Variants in JAKMIP1 observed in about 807,000 individuals in gnomAD.
JAKMIP1 encodes the protein janus kinase and microtubule-interacting protein 1.
Under a neutral mutation model 113.0 loss-of-function variants are expected in JAKMIP1, and 33 were observed. The ratio of observed to expected loss-of-function variants is 0.29; its 90% CI spans 0.22 to 0.39. JAKMIP1 has a LOEUF of 0.39. Among genes scored for constraint, JAKMIP1 ranks in the 10% least tolerant of loss-of-function variants. The pLI, the probability that JAKMIP1 is intolerant of heterozygous loss-of-function variation, is 1.00. For synonymous variants in JAKMIP1, 480 were observed against 459.9 expected, an observed-to-expected ratio of 1.04 and a Z score of -0.56; for missense variants, 813 against 1,080.5, an observed-to-expected ratio of 0.75 and a Z score of 3.47.
At position 6,156,881 on chromosome 4, in the gene JAKMIP1, A is replaced by G. The variant is rs986278225; in HGVS notation, c.-148+43372T>C. On this transcript the variant is annotated intron_variant, in intron 1 of 20. Transcript: ENST00000409021. This position sits in a 1 kb window ranked among gnomAD's most constrained non-coding sequence, Gnocchi z 5.0. Reference sequence around the variant, plus strand: ...CAATTGTTCAGTAGACCCACACCCCATTGGCCAACAGCCACAGCCCTGAAT... The same window carrying G: ...CAATTGTTCAGTAGACCCACACCCCGTTGGCCAACAGCCACAGCCCTGAAT... 1.3e-5 allele frequency among the ~76,000 whole-genome samples: 2 copies of G among 152,152 alleles called. No homozygotes were observed. Among genetic ancestry groups the G allele is most frequent in the Admixed American group, 1.3e-4 (2 of 15,284 alleles).
In JAKMIP1 at chr4:6,158,265, A is replaced by G. The variant is rs114315637; in HGVS notation, c.-148+41988T>C. Among the ~76,000 whole-genome samples, 1,372 of 151,922 alleles carry G rather than the reference A, an allele frequency of 9.0e-3. 20 individuals are homozygous for G. Among genetic ancestry groups the G allele is most frequent in the African/African-American group, 0.032 (1,304 of 41,202 alleles). The stretch of plus-strand genomic sequence containing the variant: ...CTACATGCTTCTCACCAGGGGTCAC[A>G]AGCTCAGCTATGAAGCACTTGAAAG... On this transcript the variant is annotated intron_variant, in intron 1 of 20. Coordinates refer to ENST00000409021, the MANE Select transcript of JAKMIP1 (RefSeq NM_001099433.2). The surrounding 1 kb of genome is among the most constrained non-coding windows in gnomAD (Gnocchi z 5.3).
chr4:6,196,964 G>T (rs1727920796), intron 1 of JAKMIP1, among the ~76,000 whole-genome samples: 1 of 152,142 alleles, frequency 6.6e-6, no homozygotes, highest in Non-Finnish European at 1.5e-5. Context: ...GTGCTCCGTG[G>T]GGCAACATCT....
rs1414109623 is a variant in JAKMIP1 at position 6,197,219 on chromosome 4, G to A, written c.-148+3034C>T. 6.6e-6 allele frequency among the ~76,000 whole-genome samples: 1 copy of A among 152,166 alleles called. No individual in the cohort carries two copies. The highest frequency in any genetic ancestry group is 1.5e-5 in the Non-Finnish European group (1 of 68,032). ...CCCAACGTCACACTGTCAGTAGGGT[G>A]GGAGCTGGTCCTCAACACAGTTCCA... On this transcript the variant is annotated intron_variant, in intron 1 of 20. Coordinates refer to ENST00000409021, the MANE Select transcript of JAKMIP1 (RefSeq NM_001099433.2). The surrounding 1 kb of genome is among the most constrained non-coding windows in gnomAD (Gnocchi z 6.5).
intron 1 of JAKMIP1, among the ~76,000 whole-genome samples, chr4:6,123,766 A>C (rs1489666482): frequency 6.6e-6 from 1 of 152,176 alleles, no homozygotes; most frequent in Non-Finnish European, 1.5e-5. Context: ...AACTGCAGTG[A>C]GTTATGGTGG....
rs897267539 is a variant in JAKMIP1, at chr4:6,108,563, A to G, written c.130-2596T>C. On this transcript the variant is annotated intron_variant, in intron 2 of 20. Coordinates refer to ENST00000409021, the MANE Select transcript of JAKMIP1 (RefSeq NM_001099433.2). This position sits in a 1 kb window ranked among gnomAD's most constrained non-coding sequence, Gnocchi z 5.6. ...CCCTTTCCATCCTCATCCTCATCCAATCCAGCAGCACTGGCTCTCCATGTC... is the reference window on the plus strand; with the variant it reads ...CCCTTTCCATCCTCATCCTCATCCAGTCCAGCAGCACTGGCTCTCCATGTC... Among the ~76,000 whole-genome samples, 4 of 151,528 alleles carry G rather than the reference A, an allele frequency of 2.6e-5. No homozygotes were observed. The highest frequency in any genetic ancestry group is 5.9e-5 in the Non-Finnish European group (4 of 67,880).
chr4:6,031,097 C>A lies in JAKMIP1; in HGVS notation c.2380-1316G>T, dbSNP rs6813743. ...ACCGTTCAGACAATAGCAGCATACACATAAATAGAAGGGGCATCAGATGAA... is the reference window on the plus strand; with the variant it reads ...ACCGTTCAGACAATAGCAGCATACAAATAAATAGAAGGGGCATCAGATGAA... On this transcript the variant is annotated intron_variant, in intron 19 of 20. Coordinates refer to ENST00000409021, the MANE Select transcript of JAKMIP1 (RefSeq NM_001099433.2). This position sits in a 1 kb window ranked among gnomAD's most constrained non-coding sequence, Gnocchi z 4.4. 0.13 allele frequency among the ~76,000 whole-genome samples: 19,859 copies of A among 152,160 alleles called. 1,529 individuals are homozygous for A. The highest frequency in any genetic ancestry group is 0.21 in the African/African-American group (8,590 of 41,490).
At chr4:6,068,946 C>T (rs990446507) in intron 8 of JAKMIP1, among the ~76,000 whole-genome samples, 9 of 152,060 alleles carry the variant, frequency 5.9e-5, no homozygotes, top group African/African-American at 1.9e-4. Flanking sequence ...AGTTTGTTTC[C>T]TTTAGAGAAA....
Position 6,150,687 on chromosome 4 carries a change from G to A in JAKMIP1, c.-147-37690C>T, listed in dbSNP as rs1298574088. The stretch of plus-strand genomic sequence containing the variant: ...CCCAACAGACTCCATCTGGGCCCCA[G>A]AAAACTGCCCTGATGCTACAGGTAG... On this transcript the variant is annotated intron_variant, in intron 1 of 20. Coordinates refer to ENST00000409021, the MANE Select transcript of JAKMIP1 (RefSeq NM_001099433.2). The surrounding 1 kb of genome is among the most constrained non-coding windows in gnomAD (Gnocchi z 4.8). Among the ~76,000 whole-genome samples the A allele has an allele frequency of 2.0e-5, 3 of 152,164 alleles. No individual in the cohort carries two copies. Among genetic ancestry groups the A allele is most frequent in the African/African-American group, 7.2e-5 (3 of 41,448 alleles).
chr4:6,094,594 G>A lies in JAKMIP1; in HGVS notation c.625-8965C>T, dbSNP rs931907775. Among the ~76,000 whole-genome samples the A allele has an allele frequency of 6.6e-6, 1 of 152,224 alleles. No individual in the cohort carries two copies. Among genetic ancestry groups the A allele is most frequent in the South Asian group, 2.1e-4 (1 of 4,832 alleles). On this transcript the variant is annotated intron_variant, in intron 3 of 20. Transcript: ENST00000409021. The surrounding 1 kb of genome is among the most constrained non-coding windows in gnomAD (Gnocchi z 4.2). The stretch of plus-strand genomic sequence containing the variant: ...ATCCTGAGGCCCAAGGCCTTAAGCT[G>A]TGCCTTGATTCCTCCTACCTTGTCA...
chr4:6,026,214 G>A lies in JAKMIP1; in HGVS notation c.*14C>T. Reference sequence around the variant, plus strand: ...GAAAGGATACCAACCCGAGTTCTTGGCTCACTGAAGTCATCAAGGCCACAG... The same window carrying A: ...GAAAGGATACCAACCCGAGTTCTTGACTCACTGAAGTCATCAAGGCCACAG... On this transcript the variant is annotated 3_prime_UTR_variant, in exon 21 of 21. Coordinates refer to ENST00000409021, the MANE Select transcript of JAKMIP1 (RefSeq NM_001099433.2). 1 of 1,548,062 alleles carries A rather than the reference G, an allele frequency of 6.5e-7. No homozygotes were observed. The highest frequency in any genetic ancestry group is 8.7e-7 in the Non-Finnish European group (1 of 1,145,810).
In JAKMIP1 at chr4:6,042,138, C is replaced by G. The variant is rs1293013179; in HGVS notation, c.2097+21G>C. Reference sequence around the variant, plus strand: ...GCTCTTTGAACCCTCTCCCCCACCCCCAGGCAGTCAAATCTTTTACCTTCT... The same window carrying G: ...GCTCTTTGAACCCTCTCCCCCACCCGCAGGCAGTCAAATCTTTTACCTTCT... On this transcript the variant is annotated intron_variant, in intron 17 of 20. Coordinates refer to ENST00000409021, the MANE Select transcript of JAKMIP1 (RefSeq NM_001099433.2). The surrounding 1 kb of genome is among the most constrained non-coding windows in gnomAD (Gnocchi z 5.2). 2 of 1,607,338 alleles carry G rather than the reference C, an allele frequency of 1.2e-6. No homozygotes were observed. The highest frequency in any genetic ancestry group is 1.7e-6 in the Non-Finnish European group (2 of 1,174,030).
Position 6,135,789 on chromosome 4 carries a change from C to T in JAKMIP1, c.-147-22792G>A, listed in dbSNP as rs749049637. Among the ~76,000 whole-genome samples the T allele has an allele frequency of 3.3e-5, 5 of 152,108 alleles. No homozygotes were observed. The highest frequency in any genetic ancestry group is 5.9e-5 in the Non-Finnish European group (4 of 68,030). ...CCATCCCACTGGTTCTTCCCCTAAA[C>T]CACACTGCCCAGCACAATGCTGGCT... is the stretch of plus-strand genomic sequence containing the variant. On this transcript the variant is annotated intron_variant, in intron 1 of 20. Coordinates refer to ENST00000409021, the MANE Select transcript of JAKMIP1 (RefSeq NM_001099433.2). The surrounding 1 kb of genome is among the most constrained non-coding windows in gnomAD (Gnocchi z 4.9).
At chr4:6,083,102 C>T (rs1051483173) in intron 5 of JAKMIP1, among the ~76,000 whole-genome samples, 1 of 151,986 alleles carries the variant, frequency 6.6e-6, no homozygotes, top group African/African-American at 2.4e-5. Flanking sequence ...CAGTAGTTAC[C>T]TCATGATTTT....
chr4:6,127,298 G>A (rs1201594838), intron 1 of JAKMIP1, among the ~76,000 whole-genome samples: 3 of 152,150 alleles, frequency 2.0e-5, no homozygotes, highest in Non-Finnish European at 4.4e-5. Flanking sequence ...ATTTAGAGAT[G>A]AGAAAACTGA....
At position 6,135,399 on chromosome 4, in the gene JAKMIP1, C is replaced by A. The variant is rs758030526; in HGVS notation, c.-147-22402G>T. Among the ~76,000 whole-genome samples the A allele has an allele frequency of 6.6e-6, 1 of 152,066 alleles. No individual in the cohort carries two copies. The highest frequency in any genetic ancestry group is 1.5e-5 in the Non-Finnish European group (1 of 68,028). On this transcript the variant is annotated intron_variant, in intron 1 of 20. Transcript: ENST00000409021. The surrounding 1 kb of genome is among the most constrained non-coding windows in gnomAD (Gnocchi z 4.9). The stretch of plus-strand genomic sequence containing the variant: ...GAGAGAGGCTTCGGAAGAAACCAAC[C>A]CTGGTGGCAGCTTGATCTCGGACTT...
Position 6,116,518 on chromosome 4 carries a change from C to G in JAKMIP1, c.-147-3521G>C, listed in dbSNP as rs185698487. ...CACGGGGACCTTGGACCTGCTGACCCTGGACCTTGTCTGGCATATAGGCCA... is the reference window on the plus strand; with the variant it reads ...CACGGGGACCTTGGACCTGCTGACCGTGGACCTTGTCTGGCATATAGGCCA... On this transcript the variant is annotated intron_variant, in intron 1 of 20. Transcript: ENST00000409021. This position sits in a 1 kb window ranked among gnomAD's most constrained non-coding sequence, Gnocchi z 5.1. Among the ~76,000 whole-genome samples the G allele has an allele frequency of 9.9e-5, 15 of 152,282 alleles. No individual in the cohort carries two copies. In the East Asian group the frequency reaches 2.9e-3, roughly 30 times the overall value.
chr4:6,135,086 T>C lies in JAKMIP1; in HGVS notation c.-147-22089A>G, dbSNP rs1165732080. On this transcript the variant is annotated intron_variant, in intron 1 of 20. Transcript: ENST00000409021. The surrounding 1 kb of genome is among the most constrained non-coding windows in gnomAD (Gnocchi z 4.9). ...TTGGGGCAGAGCTGCTCAGTCTCCA[T>C]GGGGGCCACTCCTCCCCATCCTCTC... Among the ~76,000 whole-genome samples the C allele has an allele frequency of 6.6e-6, 1 of 152,088 alleles. No individual in the cohort carries two copies. Among genetic ancestry groups the C allele is most frequent in the African/African-American group, 2.4e-5 (1 of 41,412 alleles).
intron 1 of JAKMIP1, among the ~76,000 whole-genome samples, chr4:6,124,100 T>C (rs1717075618): frequency 6.6e-6 from 1 of 152,220 alleles, no homozygotes; most frequent in Non-Finnish European, 1.5e-5. Context: ...GCCCCAGCTC[T>C]GCCACCATTC....
chr4:6,074,612 T>C (rs1003188149), intron 8 of JAKMIP1, among the ~76,000 whole-genome samples: 2 of 152,222 alleles, frequency 1.3e-5, no homozygotes, highest in East Asian at 1.9e-4. Context: ...AAGCCCCTTA[T>C]ACAAATTGGT....
Sources: gnomAD v4.1 joint callset for allele counts (sites outside exome capture counted in the v4.1 genomes callset) on GRCh38, gnomAD v4.1.1 for gene constraint, Gnocchi (gnomAD v3.1) non-coding constraint, MANE v1.5 for transcripts, NCBI Gene and HGNC (gene_info 2026-07-23, HGNC 2026-07-21) for gene names.